The following TENM2 variants were observed in gnomAD, a reference collection of about 807,000 sequenced individuals.
The protein encoded by TENM2 is teneurin-2.
A neutral mutation model predicts 245.2 loss-of-function variants in TENM2; 52 were observed. The ratio of observed to expected loss-of-function variants is 0.21; its 90% confidence interval spans 0.17 to 0.27. The LOEUF (loss-of-function observed/expected upper bound fraction) is 0.27. Ranked by LOEUF, TENM2 falls within the 10% of genes least tolerant of loss-of-function variation. The pLI, the probability that TENM2 is intolerant of heterozygous loss-of-function variation, is 1.00. For missense variants in TENM2, 3,046 were observed against 3,666.8 expected, an observed-to-expected ratio of 0.83 and a Z score of 4.37; for synonymous variants, 1,363 against 1,438.9, an observed-to-expected ratio of 0.95 and a Z score of 1.19.
chr5:168,237,265 G>A (rs376545330), intron 25 of TENM2, among the ~76,000 whole-genome samples: 9 of 150,974 alleles, frequency 6.0e-5, no homozygotes, highest in African/African-American at 1.2e-4. Context: ...CGATCCACCC[G>A]CCTCAGCCTC....
At chr5:167,174,109 G>A in the TENM2 span, among the ~76,000 whole-genome samples, 16 of 141,316 alleles carry the variant, frequency 1.1e-4, no homozygotes, top group Middle Eastern at 3.4e-3. Flanking sequence ...GAGTTTTCTC[G>A]TTTTTTTTTT....
intron 2 of TENM2, among the ~76,000 whole-genome samples, chr5:167,503,815 G>T (rs951979910): frequency 2.0e-5 from 3 of 152,082 alleles, no homozygotes; most frequent in Non-Finnish European, 4.4e-5. Flanking sequence ...GATCACTTGA[G>T]CCCAGGAGGC....
At chr5:167,392,733 T>G (rs1581921962) in intron 2 of TENM2, among the ~76,000 whole-genome samples, 1 of 152,324 alleles carries the variant, frequency 6.6e-6, no homozygotes, top group Non-Finnish European at 1.5e-5. Flanking sequence ...TAATATGTTG[T>G]CTGTAATTTC....
chr5:167,392,049 G>T (rs1218100251), intron 2 of TENM2, among the ~76,000 whole-genome samples: 1 of 152,094 alleles, frequency 6.6e-6, no homozygotes, highest in East Asian at 1.9e-4. Flanking sequence ...TTTCTTTAGG[G>T]TTCCCTGATG....
rs186410470 is a variant in TENM2 at position 167,950,567 on chromosome 5, G to A, written c.713-2021G>A. ...GCCCCATCTTCCTGAGGCAAGTCTC[G>A]TAATTACCTAACTAATGGGGAATAA... On this transcript the variant is annotated intron_variant, in intron 3 of 28. Coordinates refer to ENST00000518659, the Ensembl canonical transcript of TENM2. Among the ~76,000 whole-genome samples the A allele has an allele frequency of 5.9e-5, 9 of 152,184 alleles. No individual in the cohort carries two copies. In the South Asian group the frequency reaches 6.2e-4, roughly 11 times the overall value.
intron 2 of TENM2, among the ~76,000 whole-genome samples, chr5:167,534,003 G>A (rs1391514906): frequency 6.6e-6 from 1 of 152,214 alleles, no homozygotes; most frequent in East Asian, 1.9e-4. Flanking sequence ...TTGAGGTTTA[G>A]GCCTTGCTGA....
chr5:167,837,235 A>T (rs898474765), intron 2 of TENM2, among the ~76,000 whole-genome samples: 1 of 152,098 alleles, frequency 6.6e-6, no homozygotes, highest in African/African-American at 2.4e-5. Flanking sequence ...CCCCTGTTGG[A>T]TATTAAATTT....
chr5:167,863,009 ACT>A (rs1219962068), intron 2 of TENM2, among the ~76,000 whole-genome samples: 1 of 151,978 alleles, frequency 6.6e-6, no homozygotes, highest in African/African-American at 2.4e-5. Flanking sequence ...CATTGCAATG[ACT>A]CTATGTAGCC....
the TENM2 span, among the ~76,000 whole-genome samples, chr5:167,087,934 C>T: frequency 4.6e-5 from 7 of 152,108 alleles, no homozygotes; most frequent in South Asian, 4.1e-4. Flanking sequence ...GGACTACAGG[C>T]GTGCGCTACC....
chr5:167,723,805 A>G (rs1759803039), intron 2 of TENM2, among the ~76,000 whole-genome samples: 1 of 152,158 alleles, frequency 6.6e-6, no homozygotes, highest in East Asian at 1.9e-4. Flanking sequence ...GTAAATATCT[A>G]TTGAATGAAT....
chr5:167,778,387 C>A (rs1436940679), intron 2 of TENM2, among the ~76,000 whole-genome samples: 4 of 152,086 alleles, frequency 2.6e-5, no homozygotes, highest in Non-Finnish European at 5.9e-5. Flanking sequence ...GTGTGTTGGG[C>A]ACTGAGCCAT....
chr5:167,709,152 G>T (rs139644029), intron 2 of TENM2, among the ~76,000 whole-genome samples: 1 of 152,086 alleles, frequency 6.6e-6, no homozygotes. Context: ...CTCCCCCACC[G>T]CCCCATCTGC....
chr5:167,005,085 CT>C, the TENM2 span, among the ~76,000 whole-genome samples: 1 of 152,122 alleles, frequency 6.6e-6, no homozygotes, highest in East Asian at 1.9e-4. Context: ...CTAAAAAGGA[CT>C]TTTCCCCCCC....
intron 1 of TENM2, among the ~76,000 whole-genome samples, chr5:167,338,504 T>G (rs1400999972): frequency 6.6e-6 from 1 of 152,194 alleles, no homozygotes; most frequent in Non-Finnish European, 1.5e-5. Context: ...ATCATGATCT[T>G]TCTTATTAAA....
the TENM2 span, among the ~76,000 whole-genome samples, chr5:167,066,269 C>T: frequency 6.6e-6 from 1 of 152,092 alleles, no homozygotes; most frequent in Non-Finnish European, 1.5e-5. Context: ...GATGGGGCAT[C>T]AGTTAAGGGG....
intron 2 of TENM2, among the ~76,000 whole-genome samples, chr5:167,680,467 G>T (rs898173): frequency 6.6e-6 from 1 of 151,982 alleles, no homozygotes; most frequent in African/African-American, 2.4e-5. Flanking sequence ...GATTGAAAAG[G>T]GTGAGATATT....
chr5:168,070,803 G>A (rs2152122786), intron 7 of TENM2, among the ~76,000 whole-genome samples: 1 of 131,016 alleles, frequency 7.6e-6, no homozygotes, highest in African/African-American at 2.8e-5. Context: ...AAGAGAGAGA[G>A]AGAGAGAGAG....
intron 2 of TENM2, among the ~76,000 whole-genome samples, chr5:167,767,066 AAG>A (rs1265239659): frequency 6.6e-6 from 1 of 152,234 alleles, no homozygotes; most frequent in Non-Finnish European, 1.5e-5. Context: ...GTCAAAATGA[AAG>A]AGCAAAGACT....
At chr5:167,653,084 T>A (rs1754587002) in intron 2 of TENM2, 2 of 152,074 alleles carry the variant, frequency 1.3e-5, no homozygotes, top group Admixed American at 1.3e-4. Context: ...GTATACAACA[T>A]CCTAGTGGTA....
Sources: gnomAD v4.1 joint callset for allele counts (sites outside exome capture counted in the v4.1 genomes callset) on GRCh38, gnomAD v4.1.1 for gene constraint, MANE v1.5 for transcripts, NCBI Gene and HGNC (gene_info 2026-07-23, HGNC 2026-07-21) for gene names.